Variants in GALNS observed in about 807,000 individuals in gnomAD.
The protein encoded by GALNS is galactosamine (N-acetyl)-6-sulfatase, also known as N-acetylgalactosamine-6-sulfatase.
GALNS carries 65 observed loss-of-function variants against 65.9 expected under a neutral mutation model. That is an observed-to-expected ratio of 0.99 (90% CI 0.81 to 1.21). The LOEUF (loss-of-function observed/expected upper bound fraction) is 1.21. GALNS is among the 50% of genes most tolerant of loss of function. The pLI is 0.00. For synonymous variants in GALNS, 346 were observed against 288.9 expected (o/e 1.20, Z -2.00); for missense variants, 776 against 700.7 (o/e 1.11, Z -1.21).
intron 4 of GALNS, among the ~76,000 whole-genome samples, chr16:88,838,317 C>T (rs892154408): frequency 2.0e-5 from 3 of 152,160 alleles, no homozygotes; most frequent in Non-Finnish European, 2.9e-5. Flanking sequence ...GCGGGAGCCC[C>T]GGGGCCTGCC....
chr16:88,821,994 A>T (rs565195067), intron 12 of GALNS, among the ~76,000 whole-genome samples: 64 of 151,006 alleles, frequency 4.2e-4, no homozygotes, highest in African/African-American at 1.5e-3. Flanking sequence ...GGGTTCGGAC[A>T]AAAAAAAAGG....
intron 1 of GALNS, chr16:88,855,137 A>C (rs1298633695): frequency 1.7e-6 from 1 of 576,810 alleles, no homozygotes; most frequent in Non-Finnish European, 3.2e-6. Context: ...ATACAGACTA[A>C]CTTTATATTT....
chr16:88,815,521 G>C lies in GALNS; in HGVS notation c.1483-996C>G, dbSNP rs912551602. 4 of 985,382 alleles carry C rather than the reference G, an allele frequency of 4.1e-6. No individual in the cohort carries two copies. The South Asian group carries it at 1.9e-4, about 46-fold the overall frequency. The allele number at this position is 985,382 out of a possible 1,614,324, so 61.0% of individuals were successfully genotyped here. On this transcript the variant is annotated intron_variant, in intron 13 of 13. Coordinates refer to ENST00000268695, the MANE Select transcript of GALNS (RefSeq NM_000512.5). ...TTGCTTAGCGGAAGCCTTGCTTGATGGGAGGGCACTTTTCCTGGCAACAGA... is the reference window on the plus strand; with the variant it reads ...TTGCTTAGCGGAAGCCTTGCTTGATCGGAGGGCACTTTTCCTGGCAACAGA...
chr16:88,822,613 TCCC>T lies in GALNS; in HGVS notation c.1337_1339del (p.Arg446_Asp447delinsHis). ...CCTGAGGGGGAACCTCTCCCCTGGGTCCCGTCCCAGGTGGAAGATCAGGGGCAG... is the reference window on the plus strand; with the variant it reads ...CCTGAGGGGGAACCTCTCCCCTGGGTGTCCCAGGTGGAAGATCAGGGGCAG... On this transcript the variant is annotated inframe_deletion, in exon 12 of 14. Transcript: ENST00000268695. 1 of 1,612,724 alleles carries T rather than the reference TCCC, an allele frequency of 6.2e-7. No individual in the cohort carries two copies. The highest frequency in any genetic ancestry group is 8.5e-7 in the Non-Finnish European group (1 of 1,179,774).
At chr16:88,822,516 C>G (rs749375937) in intron 12 of GALNS, 73 bp downstream of exon 12, 1 of 1,596,120 alleles carries the variant, frequency 6.3e-7, no homozygotes, top group Non-Finnish European at 8.6e-7. Flanking sequence ...AGGGCTCTGT[C>G]CCTGTGGAGC....
At position 88,817,121 on chromosome 16, in the gene GALNS, G is replaced by T. The variant is rs1179260482; in HGVS notation, c.1482+886C>A. 3.0e-6 allele frequency: 3 copies of T among 985,362 alleles called. No individual in the cohort carries two copies. The Admixed American group carries it at 1.8e-4, about 61-fold the overall frequency. The allele number at this position is 985,362 out of a possible 1,614,324, so 61.0% of individuals were successfully genotyped here. ...CCACATCAGCTGTGCTGGGAAACAG[G>T]CCTTTGCGGCCACTGCACACGCGGG... On this transcript the variant is annotated intron_variant, in intron 13 of 13. Coordinates refer to ENST00000268695, the MANE Select transcript of GALNS (RefSeq NM_000512.5).
intron 5 of GALNS, among the ~76,000 whole-genome samples, chr16:88,836,860 A>C (rs1597571898): frequency 1.3e-5 from 2 of 152,248 alleles, no homozygotes; most frequent in African/African-American, 4.8e-5. Context: ...GGCTGTGGTC[A>C]CTCGGCTGGG....
At chr16:88,815,024 C>T (rs749881917) in intron 13 of GALNS, 71 of 985,326 alleles carry the variant, frequency 7.2e-5, no homozygotes, top group African/African-American at 1.0e-4. Context: ...TGAGCCACCG[C>T]GCTTGGCCTC....
intron 1 of GALNS, among the ~76,000 whole-genome samples, chr16:88,847,485 G>T (rs1967303100): frequency 6.6e-6 from 1 of 152,248 alleles, no homozygotes; most frequent in Non-Finnish European, 1.5e-5. Flanking sequence ...CACCTGCATG[G>T]ACAGCAGGGA....
intron 3 of GALNS, among the ~76,000 whole-genome samples, chr16:88,841,531 A>AG (rs1448206310): frequency 1.3e-5 from 2 of 151,752 alleles, no homozygotes; most frequent in African/African-American, 4.8e-5. Context: ...GCCCCTGGGG[A>AG]GCCCATCCAA....
chr16:88,856,914 C>T lies in GALNS; in HGVS notation c.-37G>A. On this transcript the variant is annotated 5_prime_UTR_variant, in exon 1 of 14. Transcript: ENST00000268695. ...GAGCCGCGGAGCCCCGGCCAGCGAG[C>T]CGACCTAGCGAGCGTCCGCCGGCCC... 6.7e-7 allele frequency: 1 copy of T among 1,495,718 alleles called. No individual in the cohort carries two copies. Among genetic ancestry groups the T allele is most frequent in the South Asian group, 1.2e-5 (1 of 80,136 alleles). The allele number at this position is 1,495,718 out of a possible 1,614,324, so 92.7% of individuals were successfully genotyped here.
chr16:88,851,637 A>C (rs1967513702), intron 1 of GALNS, among the ~76,000 whole-genome samples: 1 of 152,180 alleles, frequency 6.6e-6, no homozygotes, highest in South Asian at 2.1e-4. Context: ...GCACCTGGAA[A>C]ATCAGGACAC....
At chr16:88,830,852 G>A (rs1366945504) in intron 9 of GALNS, among the ~76,000 whole-genome samples, 1 of 152,160 alleles carries the variant, frequency 6.6e-6, no homozygotes, top group Non-Finnish European at 1.5e-5. Flanking sequence ...AGTGTCCTTA[G>A]GACACTGGCC....
At chr16:88,842,209 G>T (rs1050212781) in intron 2 of GALNS, 18 of 620,136 alleles carry the variant, frequency 2.9e-5, no homozygotes, top group Non-Finnish European at 4.7e-5. Context: ...TTGTCCCCAA[G>T]ACCCCGCCTC....
intron 3 of GALNS, 39 bp from the exon 4 acceptor site, chr16:88,841,133 G>T: frequency 6.6e-7 from 1 of 1,525,284 alleles, no homozygotes; most frequent in Non-Finnish European, 9.1e-7. Flanking sequence ...AGGAGACCCC[G>T]AGAAGCTGCC....
At chr16:88,852,991 C>T (rs952885032) in intron 1 of GALNS, among the ~76,000 whole-genome samples, 2 of 151,978 alleles carry the variant, frequency 1.3e-5, no homozygotes, top group African/African-American at 4.8e-5. Context: ...TGGCTCATGC[C>T]TGTAATCCCA....
At chr16:88,852,360 G>C (rs901999750) in intron 1 of GALNS, among the ~76,000 whole-genome samples, 1 of 152,142 alleles carries the variant, frequency 6.6e-6, no homozygotes, top group African/African-American at 2.4e-5. Context: ...GGACATCTAC[G>C]CCAAAACCCC....
rs1375303553 is a variant in GALNS at position 88,856,932 on chromosome 16, G to A, written c.-55C>T. 2 of 1,470,432 alleles carry A rather than the reference G, an allele frequency of 1.4e-6. No individual in the cohort carries two copies. Among genetic ancestry groups the A allele is most frequent in the Non-Finnish European group, 1.8e-6 (2 of 1,119,540 alleles). 91.1% of individuals were successfully genotyped at this position (1,470,432 alleles called of 1,614,324 possible). A position where few individuals can be genotyped will look rare whatever the true frequency, so the allele number is the denominator to read the frequency against. ...CAGCGAGCCGACCTAGCGAGCGTCC[G>A]CCGGCCCTTCCGGCTGGGCTGCGGG... On this transcript the variant is annotated 5_prime_UTR_variant, in exon 1 of 14. Coordinates refer to ENST00000268695, the MANE Select transcript of GALNS (RefSeq NM_000512.5).
chr16:88,834,641 C>CA (rs1911916875), intron 8 of GALNS, among the ~76,000 whole-genome samples: 1 of 130,380 alleles, frequency 7.7e-6, no homozygotes, highest in Non-Finnish European at 1.7e-5. Flanking sequence ...AGGGCCCCCC[C>CA]CCGCGTGGTC....
Sources: allele counts gnomAD v4.1 joint callset (sites outside exome capture counted in the v4.1 genomes callset), GRCh38; gene constraint gnomAD v4.1.1; transcripts MANE v1.5; gene names NCBI Gene and HGNC (gene_info 2026-07-23, HGNC 2026-07-21).